SPTB: variants seen among roughly 807,000 people sequenced by gnomAD.
SPTB encodes spectrin beta chain, erythrocytic.
Under a neutral mutation model 256.2 loss-of-function variants are expected in SPTB, and 45 were observed. That is an observed-to-expected ratio of 0.18 (90% CI 0.14 to 0.23). The LOEUF is 0.23. Ranked by LOEUF, SPTB falls within the 10% of genes least tolerant of loss-of-function variation. The probability of loss-of-function intolerance (pLI) is 1.00; values close to 1 mark genes in which losing one functional copy is unlikely to be tolerated. For missense variants in SPTB, 2,715 were observed against 3,040.4 expected (o/e 0.89, Z 2.52); for synonymous variants, 1,231 against 1,243.1 (o/e 0.99, Z 0.21).
At chr14:64,801,697 A>T in intron 6 of SPTB, 57 bp downstream of exon 6, 2 of 1,541,950 alleles carry the variant, frequency 1.3e-6, no homozygotes, top group Non-Finnish European at 1.8e-6. Context: ...CAATGTGTCC[A>T]AATATTCCCA....
Position 64,824,599 on chromosome 14 carries a change from C to T in SPTB, c.-51-1454G>A, listed in dbSNP as rs1053833329. Among the ~76,000 whole-genome samples the T allele has an allele frequency of 2.6e-5, 4 of 152,122 alleles. No homozygotes were observed. The highest frequency in any genetic ancestry group is 9.7e-5 in the African/African-American group (4 of 41,420). On this transcript the variant is annotated intron_variant, in intron 1 of 35. Coordinates refer to ENST00000644917, the MANE Select transcript of SPTB (RefSeq NM_001355436.2). The surrounding 1 kb of genome is among the most constrained non-coding windows in gnomAD (Gnocchi z 5.7). ...GAGAGCAAAGCGGGAGGCAGGGAGG[C>T]TGTGAGGCAGACCTGTGATGGGGGT...
intron 32 of SPTB, among the ~76,000 whole-genome samples, chr14:64,761,469 G>T (rs1038633621): frequency 6.6e-6 from 1 of 152,166 alleles, no homozygotes; most frequent in Admixed American, 6.5e-5. Flanking sequence ...GATGGGGAAA[G>T]GCTCTTATGA....
At chr14:64,781,140 A>C (rs56093021) in intron 20 of SPTB, among the ~76,000 whole-genome samples, 10,448 of 152,294 alleles carry the variant, frequency 0.069, 499 homozygotes, top group East Asian at 0.21. Context: ...AACCTAGGCA[A>C]TATCATCCTG....
intron 32 of SPTB, among the ~76,000 whole-genome samples, chr14:64,763,600 G>A (rs1348405212): frequency 6.6e-6 from 1 of 152,208 alleles, no homozygotes; most frequent in Admixed American, 6.5e-5. Flanking sequence ...TTATAAGAGC[G>A]CGGAGACTCA....
At chr14:64,870,322 A>T (rs1165220819) in intron 1 of SPTB, among the ~76,000 whole-genome samples, 1 of 152,192 alleles carries the variant, frequency 6.6e-6, no homozygotes, top group Non-Finnish European at 1.5e-5. Flanking sequence ...CCTGAAAAAA[A>T]AAAAGTCAGA....
intron 32 of SPTB, 102 bp from the exon 33 acceptor site, chr14:64,753,895 C>G: frequency 3.4e-6 from 5 of 1,482,274 alleles, no homozygotes; most frequent in Non-Finnish European, 4.6e-6. Context: ...TCTCCACACC[C>G]CCAAGCCTAC....
Position 64,775,135 on chromosome 14 carries a change from T to A in SPTB, c.4832A>T (p.Glu1611Val). ...GEQELYVISD[E>V]IPKDEEGAIV... is the part of the protein sequence containing the mutation. ...CCTGCCCGAACAGACCTTGGGGATCTCATCGGAGATGACGTAGAGCTCCTG... is the reference window on the plus strand; with the variant it reads ...CCTGCCCGAACAGACCTTGGGGATCACATCGGAGATGACGTAGAGCTCCTG... The change falls in exon 23 of 36, where the codon GAG becomes GTG. Residue 1611 changes from glutamate to valine, a missense_variant. Transcript: ENST00000644917. The surrounding 1 kb of genome is among the most constrained non-coding windows in gnomAD (Gnocchi z 5.0). 9 of 1,613,950 alleles carry A rather than the reference T, an allele frequency of 5.6e-6. No individual in the cohort carries two copies. The highest frequency in any genetic ancestry group is 6.8e-6 in the Non-Finnish European group (8 of 1,180,030).
chr14:64,802,100 C>T lies in SPTB; in HGVS notation c.566+126G>A, dbSNP rs2139631647. On this transcript the variant is annotated intron_variant, in intron 5 of 35. Transcript: ENST00000644917. The surrounding 1 kb of genome is among the most constrained non-coding windows in gnomAD (Gnocchi z 5.1). ...AAGAATCAGGTCAGGACAGACTTTG[C>T]ATCAATTACAGGGAGGCAGCTGTAG... 1.0e-6 allele frequency: 1 copy of T among 989,074 alleles called. No individual in the cohort carries two copies. The highest frequency in any genetic ancestry group is 1.6e-6 in the Non-Finnish European group (1 of 631,968). 61.3% of individuals were successfully genotyped at this position (989,074 alleles called of 1,614,324 possible). A position where few individuals can be genotyped will look rare whatever the true frequency, so the allele number is the denominator to read the frequency against.
chr14:64,789,893 C>CCCT (rs2082640388), intron 15 of SPTB, among the ~76,000 whole-genome samples: 1 of 152,058 alleles, frequency 6.6e-6, no homozygotes, highest in African/African-American at 2.4e-5. Context: ...GGAGAATGCA[C>CCCT]CCTGAGGGAA....
intron 5 of SPTB, 82 bp from the exon 6 acceptor site, chr14:64,801,916 C>T: frequency 7.4e-7 from 1 of 1,350,374 alleles, no homozygotes; most frequent in Non-Finnish European, 1.1e-6. Context: ...GGCCAATATA[C>T]CAGGAGAGAA....
At chr14:64,774,836 A>G (rs773017117) in intron 23 of SPTB, among the ~76,000 whole-genome samples, 3 of 152,078 alleles carry the variant, frequency 2.0e-5, no homozygotes, top group Non-Finnish European at 4.4e-5. Flanking sequence ...GTCACCTCTC[A>G]CCCCATCTCT....
chr14:64,769,517 C>T (rs1475862258), intron 28 of SPTB, 73 bp downstream of exon 28: 1 of 1,593,248 alleles, frequency 6.3e-7, no homozygotes, highest in Non-Finnish European at 8.5e-7. Flanking sequence ...CATCTCCCTC[C>T]CAGGAGGCTG....
intron 1 of SPTB, among the ~76,000 whole-genome samples, chr14:64,834,925 C>T (rs754750941): frequency 6.6e-6 from 1 of 152,170 alleles, no homozygotes; most frequent in Admixed American, 6.5e-5. Flanking sequence ...GAATGGTTTC[C>T]ATCCATACAT....
chr14:64,766,258 G>A (rs1177073424), intron 32 of SPTB: 2 of 406,252 alleles, frequency 4.9e-6, no homozygotes, highest in East Asian at 8.6e-5. Flanking sequence ...GCATGTGGGT[G>A]TGTATTTGTG....
In SPTB at chr14:64,764,388, A is replaced by G. The variant is rs549423083; in HGVS notation, c.6345+2338T>C. Among the ~76,000 whole-genome samples the G allele has an allele frequency of 6.6e-6, 1 of 152,318 alleles. No individual in the cohort carries two copies. Among genetic ancestry groups the G allele is most frequent in the Non-Finnish European group, 1.5e-5 (1 of 68,010 alleles). On this transcript the variant is annotated intron_variant, in intron 32 of 35. Coordinates refer to ENST00000644917, the MANE Select transcript of SPTB (RefSeq NM_001355436.2). This position sits in a 1 kb window ranked among gnomAD's most constrained non-coding sequence, Gnocchi z 4.2. Reference sequence around the variant, plus strand: ...GGCTCAGAAGGGAGCAGCAGCAGGAAATCTGTGCGTGAGGCCTTGGGTCTG... The same window carrying G: ...GGCTCAGAAGGGAGCAGCAGCAGGAGATCTGTGCGTGAGGCCTTGGGTCTG...
chr14:64,774,648 C>T (rs2082330709), intron 23 of SPTB, 121 bp from the exon 24 acceptor site: 7 of 1,397,292 alleles, frequency 5.0e-6, no homozygotes, highest in South Asian at 2.5e-5. Flanking sequence ...GTGGGACACC[C>T]GCAGGAGAGC....
At chr14:64,794,018 C>T (rs2082723689) in intron 13 of SPTB, 151 bp from the exon 14 acceptor site, 1 of 660,942 alleles carries the variant, frequency 1.5e-6, no homozygotes, top group East Asian at 2.7e-5. Flanking sequence ...CCCAGTTGCT[C>T]AGAGGGTGGA....
intron 31 of SPTB, among the ~76,000 whole-genome samples, chr14:64,767,052 C>A (rs972580959): frequency 2.0e-5 from 3 of 152,316 alleles, no homozygotes; most frequent in Non-Finnish European, 4.4e-5. Flanking sequence ...CAGGTGGCTC[C>A]GAGGTGGGGC....
At chr14:64,752,909 C>A (rs2081971801) in intron 33 of SPTB, among the ~76,000 whole-genome samples, 1 of 151,920 alleles carries the variant, frequency 6.6e-6, no homozygotes, top group Non-Finnish European at 1.5e-5. Context: ...CAGAGACAGC[C>A]CTAGATAGAC....
Sources: allele counts gnomAD v4.1 joint callset (sites outside exome capture counted in the v4.1 genomes callset), GRCh38; gene constraint gnomAD v4.1.1; non-coding constraint Gnocchi (gnomAD v3.1); transcripts MANE v1.5; gene names NCBI Gene and HGNC (gene_info 2026-07-23, HGNC 2026-07-21).